INPP4A: variants seen among roughly 807,000 people sequenced by gnomAD.
INPP4A encodes the protein inositol polyphosphate-4-phosphatase type I A.
A neutral mutation model predicts 119.8 loss-of-function variants in INPP4A; 33 were observed. The ratio of observed to expected loss-of-function variants is 0.28; its 90% confidence interval spans 0.21 to 0.37. The LOEUF (loss-of-function observed/expected upper bound fraction) is 0.37, where lower values mean the gene tolerates loss of function less well. Among genes scored for constraint, INPP4A ranks in the 10% least tolerant of loss-of-function variants. The pLI is 1.00. For missense variants in INPP4A, 956 were observed against 1,289.9 expected (o/e 0.74, Z 3.97); for synonymous variants, 496 against 500.7 (o/e 0.99, Z 0.12).
rs1696433519 is a variant in INPP4A at position 98,566,314 on chromosome 2, C to T, written c.2420+145C>T. On this transcript the variant is annotated intron_variant, in intron 21 of 24. Coordinates refer to ENST00000409851, the MANE Select transcript of INPP4A (RefSeq NM_001134225.2). The surrounding 1 kb of genome is among the most constrained non-coding windows in gnomAD (Gnocchi z 4.2). ...GGCCAACATTTTCATCATGGCCGTG[C>T]ACCTCACTGTCTTTGGTGCTAGGGA... 3 of 914,594 alleles carry T rather than the reference C, an allele frequency of 3.3e-6. No individual in the cohort carries two copies. Among genetic ancestry groups the T allele is most frequent in the Non-Finnish European group, 4.7e-6 (3 of 633,476 alleles). 56.7% of individuals were successfully genotyped at this position (914,594 alleles called of 1,614,324 possible).
chr2:98,551,801 G>T (rs949444101), intron 13 of INPP4A, among the ~76,000 whole-genome samples: 2 of 152,220 alleles, frequency 1.3e-5, no homozygotes, highest in African/African-American at 4.8e-5. Flanking sequence ...TTTAGGAGGA[G>T]ACCTCTGCAT....
intron 1 of INPP4A, among the ~76,000 whole-genome samples, chr2:98,485,058 G>C (rs1679268019): frequency 6.6e-6 from 1 of 151,924 alleles, no homozygotes; most frequent in African/African-American, 2.4e-5. Flanking sequence ...GTGTGTGTGT[G>C]TCCTGGTAGC....
chr2:98,459,390 A>G (rs1696728923), intron 1 of INPP4A, among the ~76,000 whole-genome samples: 1 of 152,158 alleles, frequency 6.6e-6, no homozygotes, highest in Non-Finnish European at 1.5e-5. Flanking sequence ...AAAGTAAGAA[A>G]GTCTACCAGG....
In INPP4A at chr2:98,552,928, G is replaced by A. The variant is rs762533272; in HGVS notation, c.1306G>A (p.Ala436Thr). ...RLSRAAKDRSATGLERTLAIL... is the reference protein window; with the variant it reads ...RLSRAAKDRSTTGLERTLAIL... ...GTCAAGGGCAGCCAAGGACAGGTCTGCCACTGGCCTTGAGAGGACACTCGC... is the reference window on the plus strand; with the variant it reads ...GTCAAGGGCAGCCAAGGACAGGTCTACCACTGGCCTTGAGAGGACACTCGC... The change falls in exon 14 of 25, where the codon GCC (alanine) becomes ACC (threonine). Residue 436 changes from alanine (A) to threonine (T), a missense_variant. Ala to Thr is a moderately conservative substitution (Grantham distance 58). This residue lies in a region of INPP4A where 652 missense variants were observed against 797.9 expected (regional missense o/e 0.82). Coordinates refer to ENST00000409851, the MANE Select transcript of INPP4A (RefSeq NM_001134225.2). 15 of 1,613,376 alleles carry A rather than the reference G, an allele frequency of 9.3e-6. No individual in the cohort carries two copies. The African/African-American group carries it at 1.6e-4, about 17-fold the overall frequency.
At chr2:98,568,855 C>G (rs908101444) in intron 22 of INPP4A, 187 bp downstream of exon 22, 2 of 567,734 alleles carry the variant, frequency 3.5e-6, no homozygotes, top group Non-Finnish European at 6.4e-6. Flanking sequence ...GGCCCTCATT[C>G]ATCTCTTTGC....
At chr2:98,466,899 T>G (rs1674898577) in intron 1 of INPP4A, among the ~76,000 whole-genome samples, 1 of 152,242 alleles carries the variant, frequency 6.6e-6, no homozygotes, top group South Asian at 2.1e-4. Context: ...AGGGCCTTTT[T>G]CTTTTCCTCT....
rs1700104198 is a variant in INPP4A at position 98,587,875 on chromosome 2, C to T, written c.*267C>T. ...ATTAAATAGCCTTTGGCTGTAACTA[C>T]ACAGATCTCATCAATAGTTACCTAC... is the stretch of plus-strand genomic sequence containing the variant. On this transcript the variant is annotated 3_prime_UTR_variant, in exon 25 of 25. Transcript: ENST00000409851. 3.1e-6 allele frequency: 1 copy of T among 320,336 alleles called. No individual in the cohort carries two copies. The highest frequency in any genetic ancestry group is 2.1e-5 in the African/African-American group (1 of 46,846). The allele number at this position is 320,336 out of a possible 1,614,324, so 19.8% of individuals were successfully genotyped here. A position where few individuals can be genotyped will look rare whatever the true frequency, so the allele number is the denominator to read the frequency against.
At chr2:98,524,259 T>C (rs919208493) in intron 4 of INPP4A, among the ~76,000 whole-genome samples, 2 of 141,958 alleles carry the variant, frequency 1.4e-5, no homozygotes, top group African/African-American at 5.0e-5. Context: ...AGCATTTATT[T>C]AGTGTTTATT....
intron 1 of INPP4A, among the ~76,000 whole-genome samples, chr2:98,492,234 G>A (rs1012903566): frequency 6.6e-6 from 1 of 152,140 alleles, no homozygotes; most frequent in South Asian, 2.1e-4. Context: ...TTTTTGGGAT[G>A]TAACACCATT....
chr2:98,505,027 T>TA (rs1234224289), intron 1 of INPP4A, among the ~76,000 whole-genome samples: 1 of 152,242 alleles, frequency 6.6e-6, no homozygotes, highest in Non-Finnish European at 1.5e-5. Context: ...CTAGGCTCTC[T>TA]GTCTTTTCTT....
chr2:98,473,571 C>G (rs1184433178), intron 1 of INPP4A, among the ~76,000 whole-genome samples: 1 of 152,124 alleles, frequency 6.6e-6, no homozygotes, highest in African/African-American at 2.4e-5. Context: ...GCTTCCCCTC[C>G]TTACTCTGGG....
At chr2:98,467,847 TTTAATAG>T (rs1194432246) in intron 1 of INPP4A, among the ~76,000 whole-genome samples, 1 of 152,144 alleles carries the variant, frequency 6.6e-6, no homozygotes, top group East Asian at 1.9e-4. Context: ...TAGTTCTCTA[TTTAATAG>T]TTATCTATTA....
chr2:98,552,864 C>T lies in INPP4A; in HGVS notation c.1242C>T (p.Asn414=), dbSNP rs746850058. 4.3e-6 allele frequency: 7 copies of T among 1,613,824 alleles called. No homozygotes were observed. The East Asian group carries it at 1.3e-4, about 31-fold the overall frequency. ...CCAAGGAGATCATCGCCCAGATCAACACCCTGAAAACCCAAGTGAGTTACT... is the reference window on the plus strand; with the variant it reads ...CCAAGGAGATCATCGCCCAGATCAATACCCTGAAAACCCAAGTGAGTTACT... ...VRAKEIIAQI[N]TLKTQVSYYA... The change falls in exon 14 of 25, where the codon AAC becomes AAT. Residue 414 remains asparagine (N), a synonymous_variant. Coordinates refer to ENST00000409851, the MANE Select transcript of INPP4A (RefSeq NM_001134225.2).
intron 1 of INPP4A, among the ~76,000 whole-genome samples, chr2:98,509,397 G>A (rs774655855): frequency 7.2e-5 from 11 of 152,338 alleles, no homozygotes; most frequent in Middle Eastern, 3.4e-3. Context: ...TCTGGGTTGC[G>A]TGCTCCTTAT....
chr2:98,573,614 C>T (rs1352719361), intron 23 of INPP4A, among the ~76,000 whole-genome samples: 2 of 152,188 alleles, frequency 1.3e-5, no homozygotes, highest in Admixed American at 1.3e-4. Flanking sequence ...AGCCACCACG[C>T]CTCGTCACAG....
intron 1 of INPP4A, among the ~76,000 whole-genome samples, chr2:98,476,180 A>T (rs1423194264): frequency 6.6e-6 from 1 of 152,216 alleles, no homozygotes; most frequent in Non-Finnish European, 1.5e-5. Context: ...AGAAACTTTT[A>T]AAATTTGAGT....
intron 1 of INPP4A, among the ~76,000 whole-genome samples, chr2:98,470,129 G>C (rs777482067): frequency 2.0e-5 from 3 of 152,252 alleles, no homozygotes; most frequent in Non-Finnish European, 4.4e-5. Flanking sequence ...AGTGGCCTGT[G>C]GCTGGAGAAG....
rs755820407 is a variant in INPP4A, at chr2:98,546,656, C to T, written c.1125C>T (p.Leu375=). 3.1e-6 allele frequency: 5 copies of T among 1,613,726 alleles called. No individual in the cohort carries two copies. The Admixed American group carries it at 8.3e-5, about 27-fold the overall frequency. ...AHCQGFKSGG[L]RKKLHKFEET... The stretch of plus-strand genomic sequence containing the variant: ...GCCAAGGTTTTAAGTCAGGAGGTCT[C>T]CGCAAAAAGCTGCACAAATTTGAAG... The change falls in exon 13 of 25, where the codon CTC becomes CTT. Residue 375 remains leucine, a synonymous_variant. Transcript: ENST00000409851. The surrounding 1 kb of genome is among the most constrained non-coding windows in gnomAD (Gnocchi z 4.2).
At chr2:98,500,353 A>T (rs1329592785) in intron 1 of INPP4A, among the ~76,000 whole-genome samples, 1 of 152,174 alleles carries the variant, frequency 6.6e-6, no homozygotes, top group Non-Finnish European at 1.5e-5. Context: ...TAGGGAGGAA[A>T]TCAAAATCCA....
Sources: allele counts gnomAD v4.1 joint callset (sites outside exome capture counted in the v4.1 genomes callset), GRCh38; gene constraint gnomAD v4.1.1; regional missense constraint gnomAD v4.1.1; non-coding constraint Gnocchi (gnomAD v3.1); transcripts MANE v1.5; gene names NCBI Gene and HGNC (gene_info 2026-07-23, HGNC 2026-07-21).